The following ZNF274 variants were observed in gnomAD, a reference collection of about 807,000 sequenced individuals.
ZNF274 encodes zinc finger protein 274.
Under a neutral mutation model 42.5 loss-of-function variants are expected in ZNF274, and 23 were observed. The observed-to-expected ratio is 0.54, with a 90% confidence interval of 0.39 to 0.77. ZNF274 has a LOEUF of 0.77. Among genes scored for constraint, ZNF274 ranks in the 30% least tolerant of loss-of-function variants. The pLI is 0.00. For missense variants in ZNF274, 679 were observed against 806.5 expected, an observed-to-expected ratio of 0.84 and a Z score of 1.91; for synonymous variants, 292 against 305.4, an observed-to-expected ratio of 0.96 and a Z score of 0.46.
rs1407382600 is a variant in ZNF274, at chr19:58,207,039, T to C, written c.576T>C (p.Pro192=). Residue 192 remains proline (P), a synonymous_variant, in exon 5 of 8, where the codon CCT becomes CCC. Transcript: ENST00000617501. This position sits in a 1 kb window ranked among gnomAD's most constrained non-coding sequence, Gnocchi z 5.6. ...LRELCHQWLQ[P]KARSKEQILE... ...AGCTGTGTCACCAGTGGCTACAGCC[T>C]AAGGCACGCTCCAAGGAGCAGATCC... The C allele has an allele frequency of 6.2e-7, 1 of 1,612,596 alleles. No individual in the cohort carries two copies. Among genetic ancestry groups the C allele is most frequent in the Non-Finnish European group, 8.5e-7 (1 of 1,179,470 alleles).
chr19:58,204,108 G>C (rs1181910588), intron 4 of ZNF274, among the ~76,000 whole-genome samples: 1 of 152,198 alleles, frequency 6.6e-6, no homozygotes, highest in African/African-American at 2.4e-5. Flanking sequence ...GAGGGGTTGG[G>C]AGCCGTCTGC....
At chr19:58,190,849 C>G (rs982671132) in intron 4 of ZNF274, among the ~76,000 whole-genome samples, 1 of 152,160 alleles carries the variant, frequency 6.6e-6, no homozygotes. Flanking sequence ...GCTGTGACAT[C>G]TGCACCTAAC....
intron 4 of ZNF274, among the ~76,000 whole-genome samples, chr19:58,190,384 T>C (rs2075765994): frequency 6.6e-6 from 1 of 152,124 alleles, no homozygotes; most frequent in Admixed American, 6.5e-5. Context: ...ATATCCAAAA[T>C]TGTGTGAAGC....
At position 58,213,132 on chromosome 19, in the gene ZNF274, C is replaced by G. The variant is rs1387449682; in HGVS notation, c.1951C>G (p.Pro651Ala). 6.2e-7 allele frequency: 1 copy of G among 1,608,960 alleles called. No homozygotes were observed. ...HNRTKRKKKQ[P>A]TS ...TAGGACAAAGCGAAAGAAGAAACAG[C>G]CTACCTCATAGCTCTCAAGCCAGTT... The change falls in exon 8 of 8, where the codon CCT (proline) becomes GCT (alanine). Residue 651 changes from proline (P) to alanine (A), a missense_variant. Transcript: ENST00000617501.
intron 4 of ZNF274, among the ~76,000 whole-genome samples, chr19:58,197,614 T>G (rs975434870): frequency 6.6e-6 from 1 of 152,166 alleles, no homozygotes; most frequent in African/African-American, 2.4e-5. Context: ...GTTGAGTGAA[T>G]AGATGTCTGA....
intron 4 of ZNF274, among the ~76,000 whole-genome samples, chr19:58,206,454 A>G (rs2075979404): frequency 1.3e-5 from 2 of 152,204 alleles, no homozygotes; most frequent in Non-Finnish European, 1.5e-5. Context: ...TGTCTGGGTC[A>G]TGGATAACTA....
intron 4 of ZNF274, among the ~76,000 whole-genome samples, chr19:58,187,643 C>T (rs2075716191): frequency 6.6e-6 from 1 of 152,172 alleles, no homozygotes; most frequent in Non-Finnish European, 1.5e-5. Context: ...GTCTTGAACT[C>T]CTGAGCTCAA....
At position 58,213,226 on chromosome 19, in the gene ZNF274, T is replaced by A; in HGVS notation, c.*83T>A. 1 of 1,498,520 alleles carries A rather than the reference T, an allele frequency of 6.7e-7. No individual in the cohort carries two copies. The highest frequency in any genetic ancestry group is 8.9e-7 in the Non-Finnish European group (1 of 1,126,470). The allele number at this position is 1,498,520 out of a possible 1,614,324, so 92.8% of individuals were successfully genotyped here. The stretch of plus-strand genomic sequence containing the variant: ...CACAGGCCTGCTTGTGAATCAGGAC[T>A]GAATGTGAAAGGGAAGTATTGAGTG... On this transcript the variant is annotated 3_prime_UTR_variant, in exon 8 of 8. Transcript: ENST00000617501.
In ZNF274 at chr19:58,212,044, T is replaced by G; in HGVS notation, c.980-117T>G. 7.8e-7 allele frequency: 1 copy of G among 1,281,410 alleles called. No homozygotes were observed. The highest frequency in any genetic ancestry group is 1.1e-6 in the Non-Finnish European group (1 of 940,432). The allele number at this position is 1,281,410 out of a possible 1,614,324, so 79.4% of individuals were successfully genotyped here. ...TCAGTCTCTCTCCAGGTTGCATGAC[T>G]CTATTTGGGAGAAAAAAAAAATCCT... is the stretch of plus-strand genomic sequence containing the variant. On this transcript the variant is annotated intron_variant, in intron 7 of 7. Transcript: ENST00000617501. The surrounding 1 kb of genome is among the most constrained non-coding windows in gnomAD (Gnocchi z 4.6).
intron 4 of ZNF274, among the ~76,000 whole-genome samples, chr19:58,188,761 C>A (rs1426282060): frequency 7.5e-5 from 10 of 133,330 alleles, no homozygotes; most frequent in African/African-American, 2.6e-4. Flanking sequence ...GGGGCTCATG[C>A]CTATAATCCC....
chr19:58,189,752 T>C (rs895108380), intron 4 of ZNF274, among the ~76,000 whole-genome samples: 4 of 152,224 alleles, frequency 2.6e-5, no homozygotes, highest in Non-Finnish European at 1.5e-5. Flanking sequence ...ATTATTACTA[T>C]TACCTGATCA....
At chr19:58,187,252 A>G (rs1302146997) in intron 4 of ZNF274, among the ~76,000 whole-genome samples, 1 of 152,166 alleles carries the variant, frequency 6.6e-6, no homozygotes, top group Non-Finnish European at 1.5e-5. Context: ...GGCAGGTGAT[A>G]CTTGTGTTGA....
At chr19:58,206,697 C>A (rs1236358124) in intron 4 of ZNF274, 23 bp from the exon 5 acceptor site, 1 of 1,537,168 alleles carries the variant, frequency 6.5e-7, no homozygotes, top group Non-Finnish European at 8.8e-7. Context: ...TCTCATTTGT[C>A]TTGCTCTGCT....
At position 58,212,584 on chromosome 19, in the gene ZNF274, T is replaced by C. The variant is rs1305314556; in HGVS notation, c.1403T>C (p.Ile468Thr). 2 of 1,613,926 alleles carry C rather than the reference T, an allele frequency of 1.2e-6. No homozygotes were observed. The highest frequency in any genetic ancestry group is 1.7e-6 in the Non-Finnish European group (2 of 1,179,894). Residue 468 changes from isoleucine (I) to threonine (T), a missense_variant, in exon 8 of 8, where the codon ATT (isoleucine) becomes ACT (threonine). Physicochemically the swap from Ile to Thr is moderately conservative, Grantham distance 89 (BLOSUM62 -1). Transcript: ENST00000617501. The surrounding 1 kb of genome is among the most constrained non-coding windows in gnomAD (Gnocchi z 4.6). ...KSMKHNSRVKIHQKSCERQKA... is the reference protein window; with the variant it reads ...KSMKHNSRVKTHQKSCERQKA... ...ATGAAACATAATTCACGTGTAAAAA[T>C]TCATCAGAAGAGCTGTGAAAGGCAA...
chr19:58,190,145 C>A (rs2075762342), intron 4 of ZNF274, among the ~76,000 whole-genome samples: 1 of 147,554 alleles, frequency 6.8e-6, no homozygotes, highest in African/African-American at 2.5e-5. Flanking sequence ...AAAAATTTAT[C>A]TCTCTCTTTT....
Position 58,199,443 on chromosome 19 carries a change from C to T in ZNF274, c.257-7277C>T, listed in dbSNP as rs1379483949. Among the ~76,000 whole-genome samples, 3 of 152,176 alleles carry T rather than the reference C, an allele frequency of 2.0e-5. No individual in the cohort carries two copies. In the East Asian group the frequency reaches 5.8e-4, roughly 30 times the overall value. On this transcript the variant is annotated intron_variant, in intron 4 of 7. Coordinates refer to ENST00000617501, the MANE Select transcript of ZNF274 (RefSeq NM_133502.3). ...CTTGGCTTGGCCAGGTATGGTGGCTCACACCTGTACTGGAGTGGCTCAATC... is the reference window on the plus strand; with the variant it reads ...CTTGGCTTGGCCAGGTATGGTGGCTTACACCTGTACTGGAGTGGCTCAATC...
At chr19:58,210,113 C>T (rs1429603711) in intron 6 of ZNF274, 40 bp downstream of exon 6, 1 of 1,542,482 alleles carries the variant, frequency 6.5e-7, no homozygotes, top group Admixed American at 1.7e-5. Context: ...CACAGCATCT[C>T]CTGTGAGGCA....
chr19:58,184,825 A>C (rs2075676655), intron 2 of ZNF274: 1 of 152,194 alleles, frequency 6.6e-6, no homozygotes, highest in Non-Finnish European at 1.5e-5. Context: ...TCAAATGAAT[A>C]AGAAATAGGG....
chr19:58,184,140 G>C, intron 2 of ZNF274, 142 bp downstream of exon 2: 2 of 867,942 alleles, frequency 2.3e-6, no homozygotes, highest in Non-Finnish European at 1.8e-6. Flanking sequence ...GGGCATGAGA[G>C]ATCCTGCGTG....
Sources: allele counts gnomAD v4.1 joint callset (sites outside exome capture counted in the v4.1 genomes callset), GRCh38; gene constraint gnomAD v4.1.1; non-coding constraint Gnocchi (gnomAD v3.1); transcripts MANE v1.5; gene names NCBI Gene and HGNC (gene_info 2026-07-23, HGNC 2026-07-21).